Variants in PIGU observed in about 807,000 individuals in gnomAD.
The protein encoded by PIGU is phosphatidylinositol glycan anchor biosynthesis class U.
PIGU carries 24 observed loss-of-function variants against 49.9 expected under a neutral mutation model. The ratio of observed to expected loss-of-function variants is 0.48; its 90% CI spans 0.35 to 0.68. PIGU has a LOEUF of 0.68. Among genes scored for constraint, PIGU ranks in the 30% least tolerant of loss-of-function variants. The pLI is 0.01. For synonymous variants in PIGU, 220 were observed against 205.7 expected (o/e 1.07, Z -0.59); for missense variants, 490 against 532.6 (o/e 0.92, Z 0.79).
At chr20:34,577,410 A>T (rs1421624689) in intron 10 of PIGU, among the ~76,000 whole-genome samples, 1 of 152,068 alleles carries the variant, frequency 6.6e-6, no homozygotes, top group African/African-American at 2.4e-5. Flanking sequence ...ATGATTCTCA[A>T]CTCCCGCTAC....
chr20:34,644,296 G>T, intron 3 of PIGU, 70 bp from the exon 4 acceptor site: 2 of 1,338,090 alleles, frequency 1.5e-6, no homozygotes, highest in Non-Finnish European at 2.1e-6. Context: ...TGCTACCAGG[G>T]CTTGGAGTTT....
chr20:34,581,728 TA>T, intron 9 of PIGU, 56 bp from the exon 10 acceptor site: 1 of 1,585,706 alleles, frequency 6.3e-7, no homozygotes, highest in Non-Finnish European at 8.6e-7. Context: ...AGGCCTACCC[TA>T]GAGACTCCTG....
At chr20:34,611,260 A>C (rs540895037) in intron 7 of PIGU, among the ~76,000 whole-genome samples, 5 of 152,354 alleles carry the variant, frequency 3.3e-5, no homozygotes, top group Admixed American at 2.6e-4. Flanking sequence ...CATCAGAGTG[A>C]ACAGGCAACC....
rs34119895 is a variant in PIGU, at chr20:34,589,649, C to CTT, written c.628-1044_628-1043dup. On this transcript the variant is annotated intron_variant, in intron 7 of 11. Coordinates refer to ENST00000217446, the MANE Select transcript of PIGU (RefSeq NM_080476.5). ...TATAGGCGTGAGCCACTGCACCTGG[C>CTT]TTTTTTTTTTTTTTTTTTTTTTTTT... Among the ~76,000 whole-genome samples, 132 of 53,698 alleles carry CTT rather than the reference C, an allele frequency of 2.5e-3. 2 individuals carry two copies. The highest frequency in any genetic ancestry group is 3.6e-3 in the South Asian group (4 of 1,120). The allele number at this position is 53,698 out of a possible 152,430, so 35.2% of individuals were successfully genotyped here. A position where few individuals can be genotyped will look rare whatever the true frequency, so the allele number is the denominator to read the frequency against.
intron 1 of PIGU, among the ~76,000 whole-genome samples, chr20:34,659,101 A>G (rs1230155764): frequency 2.2e-5 from 3 of 136,796 alleles, no homozygotes; most frequent in Admixed American, 1.4e-4. Flanking sequence ...CCACCCGGCC[A>G]GCCGCCCCGT....
At chr20:34,656,964 T>C (rs1360004004) in intron 2 of PIGU, among the ~76,000 whole-genome samples, 1 of 152,198 alleles carries the variant, frequency 6.6e-6, no homozygotes, top group Non-Finnish European at 1.5e-5. Context: ...TACAGAAGCC[T>C]CATCTGCTTC....
chr20:34,631,499 T>C (rs1005309825), intron 6 of PIGU, among the ~76,000 whole-genome samples: 8 of 149,740 alleles, frequency 5.3e-5, no homozygotes, highest in African/African-American at 1.9e-4. Flanking sequence ...TGTCCAGACA[T>C]AGCATCATAA....
At chr20:34,625,383 CA>C (rs1160138187) in intron 6 of PIGU, among the ~76,000 whole-genome samples, 21 of 132,380 alleles carry the variant, frequency 1.6e-4, no homozygotes, top group East Asian at 1.3e-3. Context: ...AAAAAAAAAA[CA>C]AAAAAAAAAA....
intron 2 of PIGU, among the ~76,000 whole-genome samples, chr20:34,654,999 T>C (rs527579349): frequency 0.031 from 1,769 of 56,740 alleles, 431 homozygotes; most frequent in African/African-American, 0.091. Context: ...AGCGAGACTC[T>C]GTCTCAAAAA....
chr20:34,604,580 G>T (rs1447337657), intron 7 of PIGU, among the ~76,000 whole-genome samples: 1 of 152,204 alleles, frequency 6.6e-6, no homozygotes, highest in African/African-American at 2.4e-5. Flanking sequence ...TAACAGCACT[G>T]CTACCTCTGC....
intron 7 of PIGU, among the ~76,000 whole-genome samples, chr20:34,608,393 C>G (rs542965312): frequency 4.8e-4 from 73 of 152,266 alleles, no homozygotes; most frequent in Middle Eastern, 3.4e-3. Context: ...GATTTTTATC[C>G]AGTGTTTTAT....
intron 11 of PIGU, among the ~76,000 whole-genome samples, chr20:34,570,606 G>C (rs541153467): frequency 6.6e-6 from 1 of 152,030 alleles, no homozygotes; most frequent in Admixed American, 6.6e-5. Context: ...GTAGAGACGG[G>C]GTTTCACCGT....
chr20:34,597,043 G>A (rs1311659795), intron 7 of PIGU, among the ~76,000 whole-genome samples: 1 of 152,134 alleles, frequency 6.6e-6, no homozygotes, highest in Non-Finnish European at 1.5e-5. Context: ...TTGGTTGGGG[G>A]GGTTGTAAAA....
chr20:34,568,220 G>C (rs1243017013), intron 11 of PIGU, among the ~76,000 whole-genome samples: 1 of 152,208 alleles, frequency 6.6e-6, no homozygotes, highest in Non-Finnish European at 1.5e-5. Flanking sequence ...TGTGGCCTTT[G>C]TCCTGCTGTA....
chr20:34,588,480 T>C lies in PIGU; in HGVS notation c.755A>G (p.Asp252Gly), dbSNP rs1370960030. The C allele has an allele frequency of 6.2e-7, 1 of 1,613,872 alleles. No homozygotes were observed. Among genetic ancestry groups the C allele is most frequent in the Non-Finnish European group, 8.5e-7 (1 of 1,179,916 alleles). Residue 252 changes from aspartate (D) to glycine (G), a missense_variant, in exon 8 of 12, where the codon GAT becomes GGT. Transcript: ENST00000217446. ...AAAGCCATAGACTGCGGGGATGAAATCCCAAGAGCTGAGAAGGAAGAAGGA... is the reference window on the plus strand; with the variant it reads ...AAAGCCATAGACTGCGGGGATGAAACCCCAAGAGCTGAGAAGGAAGAAGGA... ...CLSFFLLSSW[D>G]FIPAVYGFIL...
intron 2 of PIGU, among the ~76,000 whole-genome samples, chr20:34,653,598 A>C (rs1390457725): frequency 6.6e-6 from 1 of 152,164 alleles, no homozygotes; most frequent in Non-Finnish European, 1.5e-5. Flanking sequence ...TGTATCCCTA[A>C]CACCTAGCAG....
At chr20:34,663,780 T>A (rs1986997433) in intron 1 of PIGU, among the ~76,000 whole-genome samples, 1 of 152,160 alleles carries the variant, frequency 6.6e-6, no homozygotes. Flanking sequence ...AGATAATTCA[T>A]CAGGTCAAAT....
intron 1 of PIGU, among the ~76,000 whole-genome samples, chr20:34,657,454 A>G (rs950240459): frequency 1.3e-5 from 2 of 152,226 alleles, no homozygotes; most frequent in East Asian, 1.9e-4. Flanking sequence ...AGCACTCATT[A>G]TAAGACAGTT....
chr20:34,578,122 A>T (rs1983313414), intron 10 of PIGU, among the ~76,000 whole-genome samples: 1 of 152,216 alleles, frequency 6.6e-6, no homozygotes, highest in South Asian at 2.1e-4. Flanking sequence ...AAAGCTGGCA[A>T]TCTGTCACCC....
Sources: gnomAD v4.1 joint callset for allele counts (sites outside exome capture counted in the v4.1 genomes callset) on GRCh38, gnomAD v4.1.1 for gene constraint, MANE v1.5 for transcripts, NCBI Gene and HGNC (gene_info 2026-07-23, HGNC 2026-07-21) for gene names.